Variants in ADAMTSL1 observed in about 807,000 individuals in gnomAD.
ADAMTSL1 encodes ADAMTS-like protein 1.
A neutral mutation model predicts 201.8 loss-of-function variants in ADAMTSL1; 126 were observed. The ratio of observed to expected loss-of-function variants is 0.62; its 90% CI spans 0.54 to 0.72. The LOEUF is 0.72. Among genes scored for constraint, ADAMTSL1 ranks in the 30% least tolerant of loss-of-function variants. ADAMTSL1 has a pLI of 0.00. For synonymous variants in ADAMTSL1, 1,121 were observed against 903.4 expected (o/e 1.24, Z -4.32); for missense variants, 2,679 against 2,277.8 (o/e 1.18, Z -3.59).
intron 4 of ADAMTSL1, among the ~76,000 whole-genome samples, chr9:18,608,914 G>C (rs762379019): frequency 1.3e-5 from 2 of 152,004 alleles, no homozygotes; most frequent in Non-Finnish European, 2.9e-5. Context: ...TTAGATTCAG[G>C]GATTCTTCTC....
chr9:18,210,377 A>T (rs1829817028), intron 2 of ADAMTSL1, among the ~76,000 whole-genome samples: 1 of 113,944 alleles, frequency 8.8e-6, no homozygotes, highest in African/African-American at 3.3e-5. Context: ...GTCAAAGAAC[A>T]CACACATATA....
intron 2 of ADAMTSL1, among the ~76,000 whole-genome samples, chr9:18,330,577 G>T (rs1176862390): frequency 6.6e-6 from 1 of 152,108 alleles, no homozygotes; most frequent in Non-Finnish European, 1.5e-5. Context: ...TGCCAAGTGT[G>T]TGCCAGGTGT....
intron 3 of ADAMTSL1, among the ~76,000 whole-genome samples, chr9:18,540,968 C>G (rs931714276): frequency 5.3e-5 from 8 of 152,198 alleles, no homozygotes; most frequent in African/African-American, 1.9e-4. Context: ...AAATATACTT[C>G]TCCCCAGACC....
At chr9:18,782,854 G>A (rs1332297284) in intron 19 of ADAMTSL1, among the ~76,000 whole-genome samples, 3 of 152,210 alleles carry the variant, frequency 2.0e-5, no homozygotes, top group South Asian at 2.1e-4. Context: ...ATGACTTTGT[G>A]TTGAAAGAAC....
At chr9:18,432,322 G>T (rs1189123118) in intron 2 of ADAMTSL1, among the ~76,000 whole-genome samples, 2 of 152,190 alleles carry the variant, frequency 1.3e-5, no homozygotes, top group Non-Finnish European at 2.9e-5. Flanking sequence ...CACATAAGAA[G>T]TGCTCAATAA....
intron 2 of ADAMTSL1, among the ~76,000 whole-genome samples, chr9:18,392,184 A>C (rs1019230369): frequency 6.6e-6 from 1 of 152,140 alleles, no homozygotes; most frequent in Non-Finnish European, 1.5e-5. Flanking sequence ...ATCTCAGTTT[A>C]TTTGTTACAA....
chr9:18,531,657 A>G (rs1819454736), intron 2 of ADAMTSL1, among the ~76,000 whole-genome samples: 1 of 152,214 alleles, frequency 6.6e-6, no homozygotes, highest in Non-Finnish European at 1.5e-5. Flanking sequence ...AAGACCTAAT[A>G]CAAATGCTAT....
At chr9:18,768,554 G>C (rs1273764472) in intron 16 of ADAMTSL1, among the ~76,000 whole-genome samples, 1 of 91,142 alleles carries the variant, frequency 1.1e-5, no homozygotes, top group Non-Finnish European at 2.7e-5. Flanking sequence ...TGGGTAGGTA[G>C]TTGATCCCAG....
At chr9:18,030,265 G>C (rs1820889850) in intron 1 of ADAMTSL1, among the ~76,000 whole-genome samples, 1 of 152,148 alleles carries the variant, frequency 6.6e-6, no homozygotes, top group Admixed American at 6.5e-5. Flanking sequence ...GATGAAACTG[G>C]AAACCATCAT....
At chr9:18,705,750 C>G (rs1164799235) in intron 13 of ADAMTSL1, among the ~76,000 whole-genome samples, 1 of 152,136 alleles carries the variant, frequency 6.6e-6, no homozygotes, top group Non-Finnish European at 1.5e-5. Context: ...AAATAAATCT[C>G]GGGAAGCATA....
At chr9:17,918,133 G>C (rs548374293) in intron 1 of ADAMTSL1, among the ~76,000 whole-genome samples, 1 of 151,438 alleles carries the variant, frequency 6.6e-6, no homozygotes, top group Non-Finnish European at 1.5e-5. Context: ...ATTTTTCTTT[G>C]TTGTTTTTGT....
intron 1 of ADAMTSL1, among the ~76,000 whole-genome samples, chr9:17,948,318 T>C (rs991647787): frequency 6.6e-6 from 1 of 152,184 alleles, no homozygotes; most frequent in Non-Finnish European, 1.5e-5. Flanking sequence ...ACACATATTT[T>C]ACAAATACCA....
At chr9:18,324,283 C>G (rs575782010) in intron 2 of ADAMTSL1, among the ~76,000 whole-genome samples, 1 of 152,162 alleles carries the variant, frequency 6.6e-6, no homozygotes, top group African/African-American at 2.4e-5. Flanking sequence ...TTGATCACTA[C>G]TTCACACTCA....
intron 2 of ADAMTSL1, among the ~76,000 whole-genome samples, chr9:18,255,056 T>G (rs1831628523): frequency 1.3e-5 from 2 of 152,222 alleles, no homozygotes; most frequent in Admixed American, 1.3e-4. Flanking sequence ...ATTAAATGTT[T>G]GAGTGAAAGT....
At chr9:18,556,313 C>G (rs1025156499) in intron 3 of ADAMTSL1, among the ~76,000 whole-genome samples, 2 of 151,998 alleles carry the variant, frequency 1.3e-5, no homozygotes, top group African/African-American at 4.8e-5. Flanking sequence ...CAATAATTGA[C>G]TTTTTACTAT....
intron 2 of ADAMTSL1, among the ~76,000 whole-genome samples, chr9:18,167,623 A>G (rs554762500): frequency 1.3e-5 from 2 of 152,108 alleles, no homozygotes; most frequent in Admixed American, 6.6e-5. Flanking sequence ...GGTGTGGGGC[A>G]GTATTATTTC....
chr9:17,979,244 C>G (rs957374953), intron 1 of ADAMTSL1, among the ~76,000 whole-genome samples: 2 of 152,000 alleles, frequency 1.3e-5, no homozygotes, highest in African/African-American at 4.8e-5. Flanking sequence ...GTCATTATTT[C>G]TTTATATATT....
At chr9:18,530,096 G>T (rs989327270) in intron 2 of ADAMTSL1, among the ~76,000 whole-genome samples, 1 of 152,096 alleles carries the variant, frequency 6.6e-6, no homozygotes, top group African/African-American at 2.4e-5. Context: ...GCTTTGTTTT[G>T]TTTAGGAAGC....
rs75676212 is a variant in ADAMTSL1, at chr9:17,931,293, T to C, written c.87+24371T>C. Among the ~76,000 whole-genome samples the C allele has an allele frequency of 5.7e-4, 87 of 152,300 alleles. No individual in the cohort carries two copies. The East Asian group carries it at 0.017, about 29-fold the overall frequency. ...GCTTTTGTGCACAGTTTGTGGCCTC[T>C]CTCTTAACTCCGTTCCTTAGCAGAA... On this transcript the variant is annotated intron_variant, in intron 1 of 29. Coordinates refer to the ADAMTSL1 transcript ENST00000680146.
Sources: gnomAD v4.1 joint callset for allele counts (sites outside exome capture counted in the v4.1 genomes callset) on GRCh38, gnomAD v4.1.1 for gene constraint, MANE v1.5 for transcripts, NCBI Gene and HGNC (gene_info 2026-07-23, HGNC 2026-07-21) for gene names.